Variants in ADAMTS3 observed in about 807,000 individuals in gnomAD.
ADAMTS3 encodes ADAM metallopeptidase with thrombospondin type 1 motif 3.
In ADAMTS3, 73 loss-of-function variants were observed where a neutral mutation model predicts 129.0. The observed-to-expected ratio is 0.57, with a 90% CI of 0.47 to 0.69. The LOEUF (loss-of-function observed/expected upper bound fraction) is 0.69, where lower values mean the gene tolerates loss of function less well. Among genes scored for constraint, ADAMTS3 ranks in the 30% least tolerant of loss-of-function variants. The pLI is 0.00. For missense variants in ADAMTS3, 1,457 were observed against 1,514.5 expected (o/e 0.96, Z 0.63); for synonymous variants, 477 against 510.8 (o/e 0.93, Z 0.89).
chr4:72,486,670 A>G (rs1719599477), intron 3 of ADAMTS3, among the ~76,000 whole-genome samples: 1 of 152,208 alleles, frequency 6.6e-6, no homozygotes, highest in South Asian at 2.1e-4. Flanking sequence ...ATTCTTTCCC[A>G]AAACAGACTG....
At chr4:72,491,943 T>A (rs992191986) in intron 3 of ADAMTS3, among the ~76,000 whole-genome samples, 2 of 151,758 alleles carry the variant, frequency 1.3e-5, no homozygotes, top group African/African-American at 2.4e-5. Context: ...CATCTCTTTA[T>A]TTGTTATTGT....
chr4:72,446,373 A>C (rs1192741192), intron 3 of ADAMTS3, among the ~76,000 whole-genome samples: 1 of 151,698 alleles, frequency 6.6e-6, no homozygotes, highest in African/African-American at 2.4e-5. Flanking sequence ...AGACCTCAAT[A>C]GGACTGGATC....
intron 2 of ADAMTS3, among the ~76,000 whole-genome samples, chr4:72,564,183 G>C (rs1560569425): frequency 6.6e-6 from 1 of 152,144 alleles, no homozygotes. Flanking sequence ...AGGGAAGACA[G>C]CTTAACACTA....
intron 3 of ADAMTS3, among the ~76,000 whole-genome samples, chr4:72,426,264 T>A (rs1722572179): frequency 6.6e-6 from 1 of 152,134 alleles, no homozygotes; most frequent in Non-Finnish European, 1.5e-5. Context: ...ATTGCAAAAA[T>A]TTTCTCCTAT....
chr4:72,489,612 A>G (rs144030840), intron 3 of ADAMTS3, among the ~76,000 whole-genome samples: 256 of 152,050 alleles, frequency 1.7e-3, no homozygotes, highest in African/African-American at 5.8e-3. Flanking sequence ...CGGAATAATA[A>G]CCTAACACTA....
intron 3 of ADAMTS3, among the ~76,000 whole-genome samples, chr4:72,472,632 G>C (rs1426237080): frequency 1.3e-5 from 2 of 152,026 alleles, no homozygotes; most frequent in South Asian, 4.1e-4. Flanking sequence ...TTCTGTTCAA[G>C]AGAAATATTC....
At chr4:72,513,910 T>A (rs1205025658) in intron 3 of ADAMTS3, among the ~76,000 whole-genome samples, 1 of 152,192 alleles carries the variant, frequency 6.6e-6, no homozygotes, top group African/African-American at 2.4e-5. Context: ...GTTTAGCTCC[T>A]ATTTATAAGC....
intron 2 of ADAMTS3, among the ~76,000 whole-genome samples, chr4:72,556,701 A>G (rs1560566666): frequency 6.6e-6 from 1 of 151,780 alleles, no homozygotes. Context: ...CTTACAAGCA[A>G]ATTCTGAAAA....
At chr4:72,411,966 A>C (rs1293180076) in intron 4 of ADAMTS3, among the ~76,000 whole-genome samples, 1 of 152,086 alleles carries the variant, frequency 6.6e-6, no homozygotes, top group African/African-American at 2.4e-5. Flanking sequence ...AATGTATAAC[A>C]CTTGCAACAA....
At chr4:72,349,631 G>A (rs577010968) in intron 4 of ADAMTS3, among the ~76,000 whole-genome samples, 16 of 151,862 alleles carry the variant, frequency 1.1e-4, no homozygotes, top group Admixed American at 4.6e-4. Context: ...AACAACCTCG[G>A]TTGTCTAAAA....
intron 5 of ADAMTS3, among the ~76,000 whole-genome samples, chr4:72,325,436 C>A (rs1719674464): frequency 6.6e-6 from 1 of 152,066 alleles, no homozygotes; most frequent in Admixed American, 6.6e-5. Flanking sequence ...AAGTCAACAA[C>A]CAGGCCTGTC....
chr4:72,300,764 C>A (rs1718929065), intron 17 of ADAMTS3, among the ~76,000 whole-genome samples: 1 of 152,068 alleles, frequency 6.6e-6, no homozygotes, highest in African/African-American at 2.4e-5. Context: ...AAGTCAGTGC[C>A]ATATTGTGAG....
At position 72,364,197 on chromosome 4, in the gene ADAMTS3, T is replaced by C. The variant is rs561633463; in HGVS notation, c.662-24504A>G. On this transcript the variant is annotated intron_variant, in intron 4 of 21. Coordinates refer to ENST00000286657, the MANE Select transcript of ADAMTS3 (RefSeq NM_014243.3). The stretch of plus-strand genomic sequence containing the variant: ...TTCAAAACACAGAACCATGCATGCA[T>C]GTACATGTACACACACGCACAAACA... Among the ~76,000 whole-genome samples, 14 of 152,202 alleles carry C rather than the reference T, an allele frequency of 9.2e-5. No homozygotes were observed. The East Asian group carries it at 2.1e-3, about 23-fold the overall frequency.
At chr4:72,540,044 G>A (rs1721281736) in intron 3 of ADAMTS3, among the ~76,000 whole-genome samples, 1 of 152,196 alleles carries the variant, frequency 6.6e-6, no homozygotes, top group Admixed American at 6.5e-5. Context: ...TGGGTAGCAG[G>A]CAGAGGGTGG....
chr4:72,432,777 T>A (rs756349869), intron 3 of ADAMTS3, among the ~76,000 whole-genome samples: 1 of 151,932 alleles, frequency 6.6e-6, no homozygotes, highest in Non-Finnish European at 1.5e-5. Context: ...TTTTTCCTTT[T>A]TACATTTTTT....
At chr4:72,561,671 G>C (rs1472459016) in intron 2 of ADAMTS3, among the ~76,000 whole-genome samples, 1 of 152,196 alleles carries the variant, frequency 6.6e-6, no homozygotes, top group African/African-American at 2.4e-5. Context: ...TGTTGGAAAT[G>C]TGATTTACTA....
intron 4 of ADAMTS3, among the ~76,000 whole-genome samples, chr4:72,367,429 G>A (rs1488311990): frequency 6.6e-6 from 1 of 151,932 alleles, no homozygotes; most frequent in East Asian, 1.9e-4. Flanking sequence ...TTTATTTATT[G>A]TGTATTATAA....
chr4:72,385,470 A>T (rs1721422884), intron 4 of ADAMTS3, among the ~76,000 whole-genome samples: 1 of 152,150 alleles, frequency 6.6e-6, no homozygotes, highest in Non-Finnish European at 1.5e-5. Context: ...ACTGTGAAAC[A>T]TTAGACCTAC....
In ADAMTS3 at chr4:72,317,505, A is replaced by G. The variant is rs376545600; in HGVS notation, c.1485+1067T>C. On this transcript the variant is annotated intron_variant, in intron 10 of 21. Transcript: ENST00000286657. ...TTTTTTAATGAATTACTAAAGACCA[A>G]TGTGGAAATTTAATGAAATATACAT... Among the ~76,000 whole-genome samples, 5 of 151,272 alleles carry G rather than the reference A, an allele frequency of 3.3e-5. No individual in the cohort carries two copies. In the East Asian group the frequency reaches 7.7e-4, roughly 23 times the overall value.
Sources: gnomAD v4.1 joint callset for allele counts (sites outside exome capture counted in the v4.1 genomes callset) on GRCh38, gnomAD v4.1.1 for gene constraint, MANE v1.5 for transcripts, NCBI Gene and HGNC (gene_info 2026-07-23, HGNC 2026-07-21) for gene names.